The following ANK3 variants were observed in gnomAD, a reference collection of about 807,000 sequenced individuals.
The protein encoded by ANK3 is ankyrin-3.
In ANK3, 57 loss-of-function variants were observed where a neutral mutation model predicts 370.9. That is an observed-to-expected ratio of 0.15 (90% CI 0.12 to 0.19). The LOEUF is 0.19. ANK3 is among the 10% of genes least tolerant of loss of function. The pLI is 1.00. For missense variants in ANK3, 4,439 were observed against 5,302.1 expected (o/e 0.84, Z 5.06); for synonymous variants, 1,929 against 1,946.3 (o/e 0.99, Z 0.23).
At chr10:60,132,371 C>T (rs867224194) in intron 25 of ANK3, among the ~76,000 whole-genome samples, 2 of 151,990 alleles carry the variant, frequency 1.3e-5, no homozygotes, top group African/African-American at 4.8e-5. Context: ...AGGTATTTCC[C>T]GTGCTGTTCT....
At chr10:60,163,322 T>C (rs1015620551) in intron 23 of ANK3, among the ~76,000 whole-genome samples, 1 of 152,182 alleles carries the variant, frequency 6.6e-6, no homozygotes, top group Non-Finnish European at 1.5e-5. Flanking sequence ...CAAATGCATC[T>C]GACCCTCTGA....
exon 1 of ANK3, chr10:60,733,309 G>T: frequency 1.6e-6 from 2 of 1,236,252 alleles, no homozygotes; most frequent in Non-Finnish European, 2.0e-6. Context: ...GGAGGAGGCG[G>T]AGGAGGCCAT....
intron 1 of ANK3, among the ~76,000 whole-genome samples, chr10:60,720,022 T>C (rs1006016220): frequency 2.0e-5 from 3 of 152,216 alleles, no homozygotes; most frequent in African/African-American, 7.2e-5. Flanking sequence ...AAGAAAAATG[T>C]TGAACGAATT....
intron 1 of ANK3, among the ~76,000 whole-genome samples, chr10:60,324,197 A>G (rs1317370304): frequency 6.6e-6 from 1 of 152,238 alleles, no homozygotes; most frequent in Non-Finnish European, 1.5e-5. Flanking sequence ...AGTTGGCAAG[A>G]ATAGATGAAT....
chr10:60,565,685 T>C (rs1388627892), intron 2 of ANK3, among the ~76,000 whole-genome samples: 3 of 152,154 alleles, frequency 2.0e-5, no homozygotes, highest in African/African-American at 7.2e-5. Flanking sequence ...TCATTTTCTC[T>C]CTCATCTCAC....
At chr10:60,492,481 G>A (rs2075534046) in intron 2 of ANK3, among the ~76,000 whole-genome samples, 2 of 151,958 alleles carry the variant, frequency 1.3e-5, no homozygotes, top group Admixed American at 6.6e-5. Context: ...GCTGAGGTGG[G>A]TGGATCACGA....
chr10:60,330,955 C>T (rs375776724), intron 1 of ANK3, among the ~76,000 whole-genome samples: 9 of 152,126 alleles, frequency 5.9e-5, no homozygotes, highest in African/African-American at 1.7e-4. Flanking sequence ...AATGAATTCA[C>T]GTCCTTTGCA....
chr10:60,245,371 AT>A (rs1297700283), intron 7 of ANK3, among the ~76,000 whole-genome samples: 4 of 152,140 alleles, frequency 2.6e-5, no homozygotes, highest in African/African-American at 4.8e-5. Flanking sequence ...AATTTTCATC[AT>A]TTTAAAGTGT....
At chr10:60,699,443 C>T (rs1401901992) in intron 1 of ANK3, among the ~76,000 whole-genome samples, 1 of 151,952 alleles carries the variant, frequency 6.6e-6, no homozygotes, top group East Asian at 1.9e-4. Flanking sequence ...TTTTTAAAAA[C>T]ATACAATGAT....
At chr10:60,660,911 T>TACACAC (rs779739373) in intron 1 of ANK3, among the ~76,000 whole-genome samples, 22 of 148,244 alleles carry the variant, frequency 1.5e-4, no homozygotes, top group African/African-American at 5.6e-4. Flanking sequence ...GAGTTTTAAA[T>TACACAC]ACACACTCAC....
rs1168965104 is a variant in ANK3 at position 60,646,679 on chromosome 10, C to T, written c.58-31455G>A. 3.3e-5 allele frequency among the ~76,000 whole-genome samples: 5 copies of T among 152,164 alleles called. No homozygotes were observed. The East Asian group carries it at 7.7e-4, about 24-fold the overall frequency. ...ATAAAAGAAGGATGTCAGAGATTAC[C>T]GTGACCTGAGGAACCCCAACATTTA... On this transcript the variant is annotated intron_variant, in intron 1 of 43. Coordinates refer to the ANK3 transcript ENST00000373827.
At chr10:60,647,066 AT>A (rs2078718548) in intron 1 of ANK3, among the ~76,000 whole-genome samples, 1 of 152,210 alleles carries the variant, frequency 6.6e-6, no homozygotes, top group Non-Finnish European at 1.5e-5. Context: ...ACAATAACAT[AT>A]TTGAATCATT....
At chr10:60,169,606 G>A (rs779390194) in intron 21 of ANK3, among the ~76,000 whole-genome samples, 12 of 152,006 alleles carry the variant, frequency 7.9e-5, no homozygotes, top group Non-Finnish European at 1.6e-4. Flanking sequence ...GAATCACTAT[G>A]TTCAGCCCAC....
intron 2 of ANK3, among the ~76,000 whole-genome samples, chr10:60,576,419 G>A (rs1384729637): frequency 6.6e-6 from 1 of 152,210 alleles, no homozygotes; most frequent in Admixed American, 6.5e-5. Flanking sequence ...CAGGGTTGGG[G>A]TTATTAGGAA....
intron 16 of ANK3, among the ~76,000 whole-genome samples, chr10:60,189,002 G>C (rs2096411883): frequency 6.6e-6 from 1 of 152,106 alleles, no homozygotes; most frequent in African/African-American, 2.4e-5. Context: ...TAACTACTTC[G>C]AGTGGTAAAG....
intron 36 of ANK3, among the ~76,000 whole-genome samples, chr10:60,077,193 A>G (rs907921743): frequency 2.6e-5 from 4 of 152,190 alleles, no homozygotes; most frequent in Non-Finnish European, 4.4e-5. Flanking sequence ...TCAGAATTTT[A>G]AACAAAAAAA....
chr10:60,574,674 C>T (rs547659586), intron 2 of ANK3, among the ~76,000 whole-genome samples: 4 of 152,172 alleles, frequency 2.6e-5, no homozygotes, highest in African/African-American at 4.8e-5. Context: ...TGACTTCAAT[C>T]GGGTGAACCT....
chr10:60,069,777 G>A lies in ANK3; in HGVS notation c.11104C>T (p.Leu3702=), dbSNP rs1471594646. 1.2e-6 allele frequency: 2 copies of A among 1,613,916 alleles called. No homozygotes were observed. The highest frequency in any genetic ancestry group is 2.2e-5 in the East Asian group (1 of 44,874). ...TTAGTGGCTGCTGCTGATTTCTCCA[G>A]GGAGCCACTACTGGATGTGCCTTCC... ...CQEGTSSSGS[L]EKSAAATNTS... Residue 3702 remains leucine (L), a synonymous_variant, in exon 37 of 44, where the codon CTG becomes TTG. Transcript: ENST00000280772.
chr10:60,427,296 A>T (rs2063909554), intron 2 of ANK3, among the ~76,000 whole-genome samples: 1 of 152,066 alleles, frequency 6.6e-6, no homozygotes, highest in Non-Finnish European at 1.5e-5. Context: ...AGAAAGGGAG[A>T]GATAAAGAGA....
Sources: gnomAD v4.1 joint callset for allele counts (sites outside exome capture counted in the v4.1 genomes callset) on GRCh38, gnomAD v4.1.1 for gene constraint, MANE v1.5 for transcripts, NCBI Gene and HGNC (gene_info 2026-07-23, HGNC 2026-07-21) for gene names.